The following SLC8A1 variants were observed in gnomAD, a reference collection of about 807,000 sequenced individuals.
The protein encoded by SLC8A1 is sodium/calcium exchanger 1.
In SLC8A1, 18 loss-of-function variants were observed where a neutral mutation model predicts 68.3. The observed-to-expected ratio is 0.26, with a 90% CI of 0.18 to 0.39. The LOEUF (loss-of-function observed/expected upper bound fraction) is 0.39, where lower values mean the gene tolerates loss of function less well. Among genes scored for constraint, SLC8A1 ranks in the 10% least tolerant of loss-of-function variants. SLC8A1 has a pLI of 1.00. For synonymous variants in SLC8A1, 475 were observed against 415.5 expected (o/e 1.14, Z -1.74); for missense variants, 985 against 1,156.7 (o/e 0.85, Z 2.15).
chr2:40,205,828 A>AAAAAAG (rs1306785904), intron 2 of SLC8A1, among the ~76,000 whole-genome samples: 1 of 151,516 alleles, frequency 6.6e-6, no homozygotes, highest in East Asian at 1.9e-4. Context: ...AAAAAAAAAA[A>AAAAAAG]AAAAGAAAAA....
chr2:40,440,967 C>A (rs373251643), intron 1 of SLC8A1, among the ~76,000 whole-genome samples: 1 of 151,976 alleles, frequency 6.6e-6, no homozygotes, highest in Non-Finnish European at 1.5e-5. Flanking sequence ...GGTGTTCAAA[C>A]AGGAAAAGAG....
chr2:40,132,206 C>A (rs1384730806), intron 7 of SLC8A1, among the ~76,000 whole-genome samples: 1 of 151,586 alleles, frequency 6.6e-6, no homozygotes. Context: ...AAAATAAGTC[C>A]AAGATGGCAC....
At chr2:40,255,702 G>A (rs1574812544) in intron 2 of SLC8A1, among the ~76,000 whole-genome samples, 2 of 152,210 alleles carry the variant, frequency 1.3e-5, no homozygotes, top group African/African-American at 4.8e-5. Flanking sequence ...AAAAGAGTTT[G>A]AGGGTATCTC....
intron 2 of SLC8A1, among the ~76,000 whole-genome samples, chr2:40,297,292 A>C (rs2070576243): frequency 1.3e-5 from 2 of 152,206 alleles, no homozygotes; most frequent in Admixed American, 1.3e-4. Flanking sequence ...GGATTTTGAA[A>C]AAGTTGTTTT....
chr2:40,108,789 G>A (rs1053993975), exon 8 of SLC8A1: 1 of 152,074 alleles, frequency 6.6e-6, no homozygotes, highest in Non-Finnish European at 1.5e-5. Flanking sequence ...CTTTCCATTT[G>A]GAAAGAATGG....
At chr2:40,330,649 A>G (rs1349051205) in intron 2 of SLC8A1, among the ~76,000 whole-genome samples, 8 of 152,226 alleles carry the variant, frequency 5.3e-5, no homozygotes, top group Admixed American at 5.2e-4. Flanking sequence ...TACAAAATAA[A>G]TATACTACTA....
chr2:40,207,226 T>G (rs2055621686), intron 2 of SLC8A1, among the ~76,000 whole-genome samples: 1 of 152,092 alleles, frequency 6.6e-6, no homozygotes, highest in South Asian at 2.1e-4. Context: ...CTCCTACATC[T>G]ACTTTATTTC....
chr2:40,321,842 A>G (rs946749781), intron 2 of SLC8A1, among the ~76,000 whole-genome samples: 1 of 152,148 alleles, frequency 6.6e-6, no homozygotes, highest in African/African-American at 2.4e-5. Context: ...AAGCCGTATC[A>G]CCATCCATGT....
chr2:40,179,522 A>AT lies in SLC8A1; in HGVS notation c.1809-1668dup, dbSNP rs139792010. 1.9e-3 allele frequency among the ~76,000 whole-genome samples: 293 copies of AT among 152,348 alleles called. 1 individual carries two copies. Among genetic ancestry groups the AT allele is most frequent in the African/African-American group, 6.8e-3 (282 of 41,592 alleles). On this transcript the variant is annotated intron_variant, in intron 2 of 7. Coordinates refer to ENST00000406785, the Ensembl canonical transcript of SLC8A1. ...ATTAATAAGGGCTTAAACAATTCAT[A>AT]TACTACAACTAACTTATTAGAAGCC... is the stretch of plus-strand genomic sequence containing the variant.
chr2:40,498,000 C>T (rs967918353), intron 1 of SLC8A1, among the ~76,000 whole-genome samples: 1 of 151,950 alleles, frequency 6.6e-6, no homozygotes, highest in African/African-American at 2.4e-5. Context: ...ATATGAGAGA[C>T]ATTCAGGAGG....
At chr2:40,244,334 C>G (rs76635997) in intron 2 of SLC8A1, among the ~76,000 whole-genome samples, 1 of 152,176 alleles carries the variant, frequency 6.6e-6, no homozygotes, top group African/African-American at 2.4e-5. Flanking sequence ...CTGAGCGTTT[C>G]CACATCTATT....
At chr2:40,317,135 C>G (rs550433897) in intron 2 of SLC8A1, among the ~76,000 whole-genome samples, 1 of 151,962 alleles carries the variant, frequency 6.6e-6, no homozygotes, top group Non-Finnish European at 1.5e-5. Flanking sequence ...CTGAATAGTT[C>G]GGCTTCTTTG....
rs532014730 is a variant in SLC8A1 at position 40,118,832 on chromosome 2, A to G, written c.2438-3203T>C. ...GGGGTGGTAATTCCCTCTGTATGCT[A>G]CAGGGACAGGTGACCTGGTGCTGTT... On this transcript the variant is annotated intron_variant, in intron 7 of 7. Transcript: ENST00000406785. 1.3e-4 allele frequency among the ~76,000 whole-genome samples: 20 copies of G among 151,998 alleles called. 1 individual carries two copies. The South Asian group carries it at 3.5e-3, about 27-fold the overall frequency.
At chr2:40,200,206 A>AT (rs2148701338) in intron 2 of SLC8A1, among the ~76,000 whole-genome samples, 1 of 12,470 alleles carries the variant, frequency 8.0e-5, no homozygotes, top group African/African-American at 4.6e-4. Flanking sequence ...ATATATATAT[A>AT]AATATATATA....
chr2:40,428,952 G>A (rs1279505801), exon 2 of SLC8A1: 4 of 1,613,802 alleles, frequency 2.5e-6, no homozygotes, highest in African/African-American at 1.3e-5. Context: ...CTGTTCTGAA[G>A]TCAACAAACA....
intron 2 of SLC8A1, among the ~76,000 whole-genome samples, chr2:40,278,236 C>T (rs200971949): frequency 2.6e-5 from 4 of 151,832 alleles, no homozygotes; most frequent in Non-Finnish European, 5.9e-5. Context: ...TTTGGGAGGC[C>T]GAGGCGTGTG....
chr2:40,408,821 C>T (rs17025948), intron 2 of SLC8A1, among the ~76,000 whole-genome samples: 12,113 of 151,906 alleles, frequency 0.08, 1,371 homozygotes, highest in African/African-American at 0.26. Flanking sequence ...TTCTGTTATG[C>T]TGAAAGATAG....
At chr2:40,165,962 G>C (rs1185849600) in intron 4 of SLC8A1, among the ~76,000 whole-genome samples, 3 of 152,176 alleles carry the variant, frequency 2.0e-5, no homozygotes, top group African/African-American at 7.2e-5. Context: ...GATTTAAGTG[G>C]AATGAACATT....
chr2:40,164,595 T>C (rs61009582), intron 5 of SLC8A1, among the ~76,000 whole-genome samples: 2,222 of 152,286 alleles, frequency 0.015, 15 homozygotes, highest in African/African-American at 0.027. Context: ...ACCTTCCCTT[T>C]GGGGCACCTC....
Sources: allele counts gnomAD v4.1 joint callset (sites outside exome capture counted in the v4.1 genomes callset), GRCh38; gene constraint gnomAD v4.1.1; transcripts MANE v1.5; gene names NCBI Gene and HGNC (gene_info 2026-07-23, HGNC 2026-07-21).